Variants in TAF1B observed in about 807,000 individuals in gnomAD.
TAF1B encodes TATA box-binding protein-associated factor RNA polymerase I subunit B.
TAF1B carries 61 observed loss-of-function variants against 83.9 expected under a neutral mutation model. The observed-to-expected ratio is 0.73, with a 90% CI of 0.59 to 0.90. The LOEUF is 0.90. Ranked by LOEUF, TAF1B falls within the 40% of genes least tolerant of loss-of-function variation. The pLI, the probability that TAF1B is intolerant of heterozygous loss-of-function variation, is 0.00. For synonymous variants in TAF1B, 221 were observed against 224.6 expected (o/e 0.98, Z 0.14); for missense variants, 625 against 677.0 (o/e 0.92, Z 0.85).
rs142678292 is a variant in TAF1B, at chr2:9,872,199, G to A, written c.554-3666G>A. Among the ~76,000 whole-genome samples, 1,008 of 152,182 alleles carry A rather than the reference G, an allele frequency of 6.6e-3. 16 individuals carry two copies. Among genetic ancestry groups the A allele is most frequent in the African/African-American group, 0.022 (928 of 41,516 alleles). ...AAATTAGATGGGTGTGGTGGCGCAC[G>A]CCTGTAGTCCCAGCTACTCAGGAGG... On this transcript the variant is annotated intron_variant, in intron 6 of 14. Transcript: ENST00000263663.
At chr2:9,852,379 C>T (rs1663425369) in intron 4 of TAF1B, among the ~76,000 whole-genome samples, 1 of 152,178 alleles carries the variant, frequency 6.6e-6, no homozygotes, top group African/African-American at 2.4e-5. Flanking sequence ...AAGTTGTTCA[C>T]TTGCTTCATA....
At chr2:9,916,409 A>G (rs1665681883) in intron 12 of TAF1B, among the ~76,000 whole-genome samples, 1 of 152,206 alleles carries the variant, frequency 6.6e-6, no homozygotes, top group African/African-American at 2.4e-5. Context: ...GAGTATTTTT[A>G]TTTTAGATCA....
At chr2:9,898,984 T>C (rs1665102009) in intron 8 of TAF1B, among the ~76,000 whole-genome samples, 1 of 152,042 alleles carries the variant, frequency 6.6e-6, no homozygotes, top group Admixed American at 6.6e-5. Flanking sequence ...TAGGTTCCAT[T>C]TTATACTTTT....
At chr2:9,878,013 G>A (rs1376801996) in intron 7 of TAF1B, among the ~76,000 whole-genome samples, 1 of 152,142 alleles carries the variant, frequency 6.6e-6, no homozygotes, top group Non-Finnish European at 1.5e-5. Context: ...TGTCACCATT[G>A]ATATTCTTCC....
intron 2 of TAF1B, 122 bp downstream of exon 2, chr2:9,845,440 C>A: frequency 2.9e-6 from 2 of 696,810 alleles, no homozygotes; most frequent in Non-Finnish European, 2.5e-6. Flanking sequence ...TGCCAACATT[C>A]CAAGGATGCA....
In TAF1B at chr2:9,934,051, A is replaced by G. The variant is rs1572304064; in HGVS notation, c.*67A>G. On this transcript the variant is annotated 3_prime_UTR_variant, in exon 15 of 15. Transcript: ENST00000263663. ...GATAATAACATCAGATTTTAATATA[A>G]CATTCCAGAGAATTGTGGAAAATAC... is the stretch of plus-strand genomic sequence containing the variant. 16 of 1,282,182 alleles carry G rather than the reference A, an allele frequency of 1.2e-5. No homozygotes were observed. The South Asian group carries it at 2.4e-4, about 19-fold the overall frequency. The allele number at this position is 1,282,182 out of a possible 1,614,324, so 79.4% of individuals were successfully genotyped here. A position where few individuals can be genotyped will look rare whatever the true frequency, so the allele number is the denominator to read the frequency against.
intron 3 of TAF1B, among the ~76,000 whole-genome samples, chr2:9,850,939 C>T (rs1459820380): frequency 6.6e-6 from 1 of 152,154 alleles, no homozygotes; most frequent in South Asian, 2.1e-4. Context: ...TAACCTAGAA[C>T]CATTTCAGGA....
intron 14 of TAF1B, among the ~76,000 whole-genome samples, chr2:9,920,597 T>C (rs1193286239): frequency 6.7e-6 from 1 of 148,238 alleles, no homozygotes; most frequent in African/African-American, 2.5e-5. Flanking sequence ...GGGGGGTCCA[T>C]TTGCCCCTCA....
chr2:9,862,858 A>G (rs1279072178), intron 5 of TAF1B, among the ~76,000 whole-genome samples: 1 of 152,192 alleles, frequency 6.6e-6, no homozygotes, highest in East Asian at 1.9e-4. Context: ...TTCATAAGTG[A>G]AGGAGAAATA....
Position 9,890,785 on chromosome 2 carries a change from T to C in TAF1B, c.807+7980T>C, listed in dbSNP as rs7572438. ...AATTTACTCTCTTATTTTATTTTTTTTGGGGACGGAGTTTCCCTCTTGTTG... is the reference window on the plus strand; with the variant it reads ...AATTTACTCTCTTATTTTATTTTTTCTGGGGACGGAGTTTCCCTCTTGTTG... On this transcript the variant is annotated intron_variant, in intron 8 of 14. Transcript: ENST00000263663. 4.3e-3 allele frequency among the ~76,000 whole-genome samples: 661 copies of C among 152,330 alleles called. 6 individuals are homozygous for C. Among genetic ancestry groups the C allele is most frequent in the African/African-American group, 0.015 (626 of 41,568 alleles).
chr2:9,861,418 G>A (rs565943193), intron 5 of TAF1B, among the ~76,000 whole-genome samples: 9 of 152,352 alleles, frequency 5.9e-5, no homozygotes, highest in South Asian at 4.1e-4. Context: ...CGCCATTGCC[G>A]AGGCTTGAGT....
chr2:9,872,763 T>C (rs1664209245), intron 6 of TAF1B, among the ~76,000 whole-genome samples: 1 of 152,182 alleles, frequency 6.6e-6, no homozygotes, highest in Non-Finnish European at 1.5e-5. Context: ...CAACACACAT[T>C]TATTTTATGG....
At chr2:9,922,049 C>G (rs1020972391) in intron 14 of TAF1B, among the ~76,000 whole-genome samples, 1 of 152,178 alleles carries the variant, frequency 6.6e-6, no homozygotes, top group African/African-American at 2.4e-5. Context: ...GTAATCTCAT[C>G]CCCATATTGA....
At chr2:9,879,205 A>C in intron 7 of TAF1B, among the ~76,000 whole-genome samples, 1 of 152,368 alleles carries the variant, frequency 6.6e-6, no homozygotes, top group Admixed American at 6.5e-5. Context: ...ATACCTAATA[A>C]TAAAATAGAA....
chr2:9,906,396 A>G (rs996709618), intron 9 of TAF1B, among the ~76,000 whole-genome samples: 1 of 152,210 alleles, frequency 6.6e-6, no homozygotes, highest in Admixed American at 6.5e-5. Flanking sequence ...AGGCAGTATT[A>G]TAAAAAATGG....
chr2:9,870,196 G>A (rs1457901651), intron 6 of TAF1B, among the ~76,000 whole-genome samples: 1 of 152,120 alleles, frequency 6.6e-6, no homozygotes, highest in Non-Finnish European at 1.5e-5. Flanking sequence ...GTTTTAAGTT[G>A]TAGTCCACCA....
intron 8 of TAF1B, among the ~76,000 whole-genome samples, chr2:9,883,104 A>G (rs993240454): frequency 4.6e-5 from 7 of 152,186 alleles, no homozygotes; most frequent in Admixed American, 6.5e-5. Context: ...GGTAATTTCA[A>G]TTTTTTAAAA....
intron 3 of TAF1B, among the ~76,000 whole-genome samples, chr2:9,850,472 C>T (rs1215356086): frequency 6.6e-6 from 1 of 152,128 alleles, no homozygotes; most frequent in Non-Finnish European, 1.5e-5. Context: ...AGAGTTTAAA[C>T]TTCCTCGACT....
At chr2:9,867,014 C>A (rs1329796429) in intron 5 of TAF1B, among the ~76,000 whole-genome samples, 1 of 151,992 alleles carries the variant, frequency 6.6e-6, no homozygotes, top group Non-Finnish European at 1.5e-5. Context: ...TGCAGCACAC[C>A]AACATGGCAC....
Sources: gnomAD v4.1 joint callset for allele counts (sites outside exome capture counted in the v4.1 genomes callset) on GRCh38, gnomAD v4.1.1 for gene constraint, MANE v1.5 for transcripts, NCBI Gene and HGNC (gene_info 2026-07-23, HGNC 2026-07-21) for gene names.